The following DLGAP2 variants were observed in gnomAD, a reference collection of about 807,000 sequenced individuals.
DLGAP2 encodes the protein disks large-associated protein 2.
Under a neutral mutation model 100.3 loss-of-function variants are expected in DLGAP2, and 26 were observed. The ratio of observed to expected loss-of-function variants is 0.26; its 90% CI spans 0.19 to 0.36. The LOEUF (loss-of-function observed/expected upper bound fraction) is 0.36, where lower values mean the gene tolerates loss of function less well. DLGAP2 is among the 10% of genes least tolerant of loss of function. The probability of loss-of-function intolerance (pLI) is 1.00; values close to 1 mark genes in which losing one functional copy is unlikely to be tolerated. For missense variants in DLGAP2, 1,858 were observed against 1,453.2 expected (o/e 1.28, Z -4.53); for synonymous variants, 886 against 630.1 (o/e 1.41, Z -6.08).
intron 2 of DLGAP2, among the ~76,000 whole-genome samples, chr8:1,147,531 CCTT>C (rs983416369): frequency 1.4e-5 from 2 of 142,934 alleles, no homozygotes; most frequent in South Asian, 2.3e-4. Context: ...AATTTTTATA[CCTT>C]CTTCTTTTTT....
intron 3 of DLGAP2, among the ~76,000 whole-genome samples, chr8:1,331,435 G>T (rs977895964): frequency 2.0e-5 from 3 of 152,068 alleles, no homozygotes; most frequent in East Asian, 1.9e-4. Context: ...TTGCAAACCT[G>T]CCCTCCTTCC....
intron 3 of DLGAP2, among the ~76,000 whole-genome samples, chr8:1,310,103 G>A (rs547232250): frequency 2.7e-5 from 4 of 150,928 alleles, no homozygotes; most frequent in African/African-American, 9.7e-5. Flanking sequence ...AGCAAGGGAG[G>A]AAGGGAGCTG....
At chr8:1,382,371 C>T (rs1207991462) in intron 3 of DLGAP2, among the ~76,000 whole-genome samples, 1 of 152,200 alleles carries the variant, frequency 6.6e-6, no homozygotes. Flanking sequence ...AGAAGATCCC[C>T]GTGTGAGTGG....
At chr8:1,297,501 G>A (rs530027368) in intron 3 of DLGAP2, among the ~76,000 whole-genome samples, 5 of 147,364 alleles carry the variant, frequency 3.4e-5, no homozygotes, top group African/African-American at 9.9e-5. Flanking sequence ...GAGGAGAAAC[G>A]TGGCAGGCAT....
chr8:1,604,092 G>A (rs1796717716), intron 6 of DLGAP2, among the ~76,000 whole-genome samples: 1 of 152,258 alleles, frequency 6.6e-6, no homozygotes, highest in South Asian at 2.1e-4. Flanking sequence ...TAAGTGAACA[G>A]GCACAAAGAT....
intron 1 of DLGAP2, among the ~76,000 whole-genome samples, chr8:814,320 T>G (rs1378428048): frequency 6.6e-6 from 1 of 152,182 alleles, no homozygotes; most frequent in Non-Finnish European, 1.5e-5. Context: ...CAACACTAGT[T>G]TAGCTCTTAG....
chr8:962,000 T>C (rs1799736060), intron 2 of DLGAP2, among the ~76,000 whole-genome samples: 1 of 152,202 alleles, frequency 6.6e-6, no homozygotes, highest in South Asian at 2.1e-4. Flanking sequence ...CACACAGAGA[T>C]TTGATTGGTT....
chr8:1,673,798 C>T (rs115708557), intron 10 of DLGAP2, among the ~76,000 whole-genome samples: 2,102 of 152,240 alleles, frequency 0.014, 53 homozygotes, highest in African/African-American at 0.048. Flanking sequence ...ATCTGACCAG[C>T]TCCAAAAACT....
At chr8:1,098,689 GCCGCCACCC>G (rs1804477609) in intron 2 of DLGAP2, among the ~76,000 whole-genome samples, 26 of 129,252 alleles carry the variant, frequency 2.0e-4, no homozygotes, top group Admixed American at 4.5e-4. Flanking sequence ...GCCCACGGGC[GCCGCCACCC>G]ACGCCAGGCT....
At chr8:1,637,144 A>C (rs949480236) in intron 8 of DLGAP2, among the ~76,000 whole-genome samples, 1 of 152,172 alleles carries the variant, frequency 6.6e-6, no homozygotes, top group Non-Finnish European at 1.5e-5. Flanking sequence ...CCAGGTCCAC[A>C]TACCTCTGAC....
At chr8:1,225,168 G>C (rs1001251211) in intron 2 of DLGAP2, among the ~76,000 whole-genome samples, 3 of 152,212 alleles carry the variant, frequency 2.0e-5, no homozygotes, top group Non-Finnish European at 2.9e-5. Flanking sequence ...ATAGCCGAAG[G>C]GGAACCACCT....
chr8:1,001,958 G>A (rs1230850628), intron 2 of DLGAP2, among the ~76,000 whole-genome samples: 1 of 152,198 alleles, frequency 6.6e-6, no homozygotes, highest in Non-Finnish European at 1.5e-5. Flanking sequence ...TATGAACCGG[G>A]CGAATTGACT....
At chr8:1,201,156 G>T (rs7813679) in intron 2 of DLGAP2, among the ~76,000 whole-genome samples, 7,761 of 152,292 alleles carry the variant, frequency 0.051, 486 homozygotes, top group African/African-American at 0.15. Context: ...ACGGAGCCCT[G>T]TGGAGGCTGA....
chr8:1,195,963 T>G (rs1177140695), intron 2 of DLGAP2, among the ~76,000 whole-genome samples: 1 of 152,234 alleles, frequency 6.6e-6, no homozygotes. Context: ...CCTCCATGTT[T>G]GGATTGTCAC....
intron 3 of DLGAP2, among the ~76,000 whole-genome samples, chr8:1,285,255 C>G (rs575871782): frequency 1.3e-5 from 2 of 152,250 alleles, no homozygotes; most frequent in African/African-American, 4.8e-5. Context: ...GGTCACACAT[C>G]TCAATATCTA....
chr8:951,858 A>T (rs1035732537), intron 2 of DLGAP2, among the ~76,000 whole-genome samples: 1 of 152,222 alleles, frequency 6.6e-6, no homozygotes, highest in Non-Finnish European at 1.5e-5. Flanking sequence ...TTTTCCCACA[A>T]CTGTTAAGAA....
At chr8:1,150,534 C>T (rs1796680360) in intron 2 of DLGAP2, among the ~76,000 whole-genome samples, 1 of 152,094 alleles carries the variant, frequency 6.6e-6, no homozygotes, top group African/African-American at 2.4e-5. Context: ...CTTAAAATTC[C>T]CCTTGGGACA....
chr8:1,422,183 T>A (rs1245540071), intron 3 of DLGAP2, among the ~76,000 whole-genome samples: 3 of 152,146 alleles, frequency 2.0e-5, no homozygotes, highest in Non-Finnish European at 4.4e-5. Context: ...TCCTAATGTC[T>A]TATGGCCGCT....
intron 3 of DLGAP2, among the ~76,000 whole-genome samples, chr8:1,414,790 C>G (rs1796832639): frequency 6.6e-6 from 1 of 152,204 alleles, no homozygotes; most frequent in Non-Finnish European, 1.5e-5. Context: ...GGGCAGATCA[C>G]CTGAGGTCAG....
Sources: allele counts gnomAD v4.1 joint callset (sites outside exome capture counted in the v4.1 genomes callset), GRCh38; gene constraint gnomAD v4.1.1; transcripts MANE v1.5; gene names NCBI Gene and HGNC (gene_info 2026-07-23, HGNC 2026-07-21).